CD226: variants seen among roughly 807,000 people sequenced by gnomAD.
CD226 encodes CD226 molecule, also known as CD226 antigen.
In CD226, 24 loss-of-function variants were observed where a neutral mutation model predicts 34.9. The ratio of observed to expected loss-of-function variants is 0.69; its 90% CI spans 0.50 to 0.97. CD226 has a LOEUF of 0.97. Among genes scored for constraint, CD226 ranks in the 50% least tolerant of loss-of-function variants. CD226 has a pLI of 0.00. For missense variants in CD226, 397 were observed against 412.7 expected, an observed-to-expected ratio of 0.96 and a Z score of 0.33; for synonymous variants, 148 against 147.4, an observed-to-expected ratio of 1.00 and a Z score of -0.03.
At chr18:69,926,102 C>T (rs770835126) in intron 2 of CD226, among the ~76,000 whole-genome samples, 12 of 152,052 alleles carry the variant, frequency 7.9e-5, no homozygotes, top group Non-Finnish European at 1.5e-4. Flanking sequence ...AAGATTGCGC[C>T]ACTGCACTCC....
At chr18:69,953,457 A>G (rs2096987) in intron 1 of CD226, among the ~76,000 whole-genome samples, 125,292 of 152,230 alleles carry the variant, frequency 0.82, 55,992 homozygotes, top group East Asian at 1. Flanking sequence ...AAGTCAAAGA[A>G]TGCAGAAACA....
At chr18:69,942,848 TC>T (rs1568206132) in intron 2 of CD226, among the ~76,000 whole-genome samples, 1 of 152,154 alleles carries the variant, frequency 6.6e-6, no homozygotes, top group Non-Finnish European at 1.5e-5. Flanking sequence ...ACTGTGCCCT[TC>T]TTTAAGCCAT....
chr18:69,905,452 G>C (rs747855587), intron 2 of CD226, among the ~76,000 whole-genome samples: 1 of 152,120 alleles, frequency 6.6e-6, no homozygotes, highest in Non-Finnish European at 1.5e-5. Context: ...CAATAGACTT[G>C]CTGTGGCAAA....
rs1239218111 is a variant in CD226, at chr18:69,873,858, G to C, written c.728-612C>G. On this transcript the variant is annotated intron_variant, in intron 3 of 5. Transcript: ENST00000582621. ...TGCACTCCAGCCTGGGCAACAGAGA[G>C]AGACTCTATGTAAAAATAAATAAAA... is the stretch of plus-strand genomic sequence containing the variant. Among the ~76,000 whole-genome samples, 4 of 152,180 alleles carry C rather than the reference G, an allele frequency of 2.6e-5. No homozygotes were observed. The East Asian group carries it at 7.7e-4, about 29-fold the overall frequency.
At chr18:69,923,130 C>CA (rs1040254329) in intron 2 of CD226, among the ~76,000 whole-genome samples, 16 of 139,798 alleles carry the variant, frequency 1.1e-4, no homozygotes, top group African/African-American at 4.3e-4. Flanking sequence ...GACTCTGTCT[C>CA]AAAAAAGTCA....
intron 2 of CD226, among the ~76,000 whole-genome samples, chr18:69,918,617 G>A (rs2055414436): frequency 6.6e-6 from 1 of 152,158 alleles, no homozygotes; most frequent in Non-Finnish European, 1.5e-5. Flanking sequence ...CCTCAGGCAT[G>A]GTCTCGGTCC....
rs1449941436 is a variant in CD226 at position 69,867,386 on chromosome 18, G to C, written c.856C>G (p.Leu286Val). The change falls in exon 5 of 6, where the codon CTA becomes GTA. Residue 286 changes from leucine (L) to valine (V), a missense_variant. Physicochemically the swap from Leu to Val is conservative, Grantham distance 32. Coordinates refer to ENST00000582621, the MANE Select transcript of CD226 (RefSeq NM_001303618.2). ...TGTGTATCCCAGGACTCTGTAAATA[G>C]ATCTCTTCTCTCTCTCCTTCTCCTT... ...NRRRRRERRD[L>V]FTESWDTQKA... 6.3e-7 allele frequency: 1 copy of C among 1,594,206 alleles called. No homozygotes were observed.
At position 69,927,673 on chromosome 18, in the gene CD226, C is replaced by T. The variant is rs565072806; in HGVS notation, c.382+19061G>A. 8.5e-5 allele frequency among the ~76,000 whole-genome samples: 13 copies of T among 152,162 alleles called. 1 individual carries two copies. The East Asian group carries it at 2.5e-3, about 29-fold the overall frequency. On this transcript the variant is annotated intron_variant, in intron 2 of 5. Transcript: ENST00000582621. Reference sequence around the variant, plus strand: ...TGGCTTTGTTCATTTGGAATAATGTCCCCAGGGTTCACCCATGTTGCAGCA... The same window carrying T: ...TGGCTTTGTTCATTTGGAATAATGTTCCCAGGGTTCACCCATGTTGCAGCA...
intron 3 of CD226, among the ~76,000 whole-genome samples, chr18:69,891,556 G>T (rs1984905566): frequency 6.6e-6 from 1 of 152,246 alleles, no homozygotes; most frequent in African/African-American, 2.4e-5. Context: ...ATCTCTGTTT[G>T]CCGATGACAT....
At chr18:69,905,316 T>C (rs1458392640) in intron 2 of CD226, among the ~76,000 whole-genome samples, 2 of 151,464 alleles carry the variant, frequency 1.3e-5, no homozygotes, top group African/African-American at 4.9e-5. Flanking sequence ...TCTGCACTTG[T>C]CCTTGTTAAA....
chr18:69,921,874 G>GT (rs1024806820), intron 2 of CD226, among the ~76,000 whole-genome samples: 1 of 152,138 alleles, frequency 6.6e-6, no homozygotes, highest in South Asian at 2.1e-4. Flanking sequence ...GATTTTATGG[G>GT]TTTTTTTAAT....
At chr18:69,938,948 T>A (rs963172801) in intron 2 of CD226, among the ~76,000 whole-genome samples, 31 of 152,128 alleles carry the variant, frequency 2.0e-4, no homozygotes, top group African/African-American at 5.5e-4. Flanking sequence ...TAGCTGGGTG[T>A]GATGATGCAG....
At chr18:69,893,012 G>A (rs1468922879) in intron 3 of CD226, among the ~76,000 whole-genome samples, 3 of 152,100 alleles carry the variant, frequency 2.0e-5, no homozygotes, top group African/African-American at 4.8e-5. Flanking sequence ...GCCTCAAGAC[G>A]TGAAATAATC....
Position 69,858,066 on chromosome 18 carries a change from AC to A in CD226, c.*6247del, listed in dbSNP as rs1214199769. ...ATGTATACATGCGGATGATTAGTAA[AC>A]CCTAATATCCAAATGCAATGTCAAT... On this transcript the variant is annotated 3_prime_UTR_variant, in exon 6 of 6. Coordinates refer to ENST00000582621, the MANE Select transcript of CD226 (RefSeq NM_001303618.2). The A allele has an allele frequency of 1.3e-5, 2 of 152,182 alleles. No homozygotes were observed. Among genetic ancestry groups the A allele is most frequent in the Non-Finnish European group, 2.9e-5 (2 of 68,042 alleles). The allele number at this position is 152,182 out of a possible 1,614,324, so 9.4% of individuals were successfully genotyped here.
At chr18:69,915,801 T>C (rs1432532204) in intron 2 of CD226, among the ~76,000 whole-genome samples, 1 of 152,202 alleles carries the variant, frequency 6.6e-6, no homozygotes, top group Non-Finnish European at 1.5e-5. Context: ...TACAATTGCC[T>C]TCATAATGGC....
chr18:69,888,108 CTGAT>C (rs1329521042), intron 3 of CD226, among the ~76,000 whole-genome samples: 1 of 152,152 alleles, frequency 6.6e-6, no homozygotes, highest in East Asian at 1.9e-4. Context: ...AAGTAATCGA[CTGAT>C]TGAGTTGTAA....
chr18:69,918,781 C>T (rs2055416296), intron 2 of CD226, among the ~76,000 whole-genome samples: 2 of 152,164 alleles, frequency 1.3e-5, no homozygotes, highest in Admixed American at 1.3e-4. Context: ...CATCAGCAGG[C>T]ATCCAGGGCA....
intron 2 of CD226, among the ~76,000 whole-genome samples, chr18:69,898,033 A>G (rs954180254): frequency 1.3e-5 from 2 of 152,240 alleles, no homozygotes; most frequent in Admixed American, 6.5e-5. Context: ...AAGCAAAGGA[A>G]GAAAATTCAT....
chr18:69,903,364 A>G (rs1489580418), intron 2 of CD226, among the ~76,000 whole-genome samples: 1 of 152,182 alleles, frequency 6.6e-6, no homozygotes, highest in African/African-American at 2.4e-5. Flanking sequence ...CCTACACTGT[A>G]GACTCCCTGT....
Sources: allele counts gnomAD v4.1 joint callset (sites outside exome capture counted in the v4.1 genomes callset), GRCh38; gene constraint gnomAD v4.1.1; transcripts MANE v1.5; gene names NCBI Gene and HGNC (gene_info 2026-07-23, HGNC 2026-07-21).